The following ERBIN variants were observed in gnomAD, a reference collection of about 807,000 sequenced individuals.
The protein encoded by ERBIN is densin-180-like protein.
In ERBIN, 60 loss-of-function variants were observed where a neutral mutation model predicts 158.4. The ratio of observed to expected loss-of-function variants is 0.38; its 90% CI spans 0.31 to 0.47. The LOEUF (loss-of-function observed/expected upper bound fraction) is 0.47, where lower values mean the gene tolerates loss of function less well. Ranked by LOEUF, ERBIN falls within the 20% of genes least tolerant of loss-of-function variation. ERBIN has a pLI of 0.99. For synonymous variants in ERBIN, 594 were observed against 557.2 expected (o/e 1.07, Z -0.93); for missense variants, 1,610 against 1,648.0 (o/e 0.98, Z 0.40).
At chr5:66,077,428 A>G (rs954657420) in intron 25 of ERBIN, among the ~76,000 whole-genome samples, 6 of 151,960 alleles carry the variant, frequency 3.9e-5, no homozygotes, top group African/African-American at 1.5e-4. Flanking sequence ...TTCTACCCCT[A>G]CTGTCACCGT....
At chr5:65,936,892 C>G (rs1265365204) in intron 1 of ERBIN, among the ~76,000 whole-genome samples, 1 of 152,118 alleles carries the variant, frequency 6.6e-6, no homozygotes, top group African/African-American at 2.4e-5. Context: ...GAGTGTGTAT[C>G]AATTTGTACT....
intron 1 of ERBIN, 94 bp downstream of exon 1, chr5:65,926,900 C>T (rs868180539): frequency 6.6e-6 from 1 of 152,038 alleles, no homozygotes; most frequent in Non-Finnish European, 1.5e-5. Context: ...CACTCTTCTC[C>T]AAGTTGCCCT....
intron 1 of ERBIN, among the ~76,000 whole-genome samples, chr5:65,967,949 T>C (rs1232660128): frequency 6.6e-6 from 1 of 152,206 alleles, no homozygotes; most frequent in Non-Finnish European, 1.5e-5. Flanking sequence ...AAGTGGCTGG[T>C]TTCAGAGGGC....
intron 5 of ERBIN, among the ~76,000 whole-genome samples, chr5:66,013,169 C>G (rs375067247): frequency 2.5e-4 from 38 of 152,236 alleles, no homozygotes; most frequent in African/African-American, 8.9e-4. Flanking sequence ...ATTTCTCTGC[C>G]AAGGTTTAGA....
intron 1 of ERBIN, among the ~76,000 whole-genome samples, chr5:65,938,239 TAAAG>T (rs1744331712): frequency 6.6e-6 from 1 of 152,212 alleles, no homozygotes; most frequent in East Asian, 1.9e-4. Flanking sequence ...GCTATTTAAA[TAAAG>T]GAAGCAATTG....
intron 1 of ERBIN, among the ~76,000 whole-genome samples, chr5:65,949,476 C>T (rs886621119): frequency 6.6e-6 from 1 of 152,210 alleles, no homozygotes; most frequent in African/African-American, 2.4e-5. Flanking sequence ...AGTGTTAACA[C>T]TAAATGGTTG....
Position 66,078,504 on chromosome 5 carries a change from A to G in ERBIN, c.4213A>G (p.Ile1405Val). 1 of 1,606,882 alleles carries G rather than the reference A, an allele frequency of 6.2e-7. No homozygotes were observed. Among genetic ancestry groups the G allele is most frequent in the Non-Finnish European group, 8.5e-7 (1 of 1,177,402 alleles). The change falls in exon 26 of 26, where the codon ATC becomes GTC. Residue 1405 changes from isoleucine to valine, a missense_variant. Around this residue, in one of 2 missense-constraint regions of ERBIN, gnomAD observed 1,014 missense variants for 936.1 expected, o/e 1.08. Coordinates refer to ENST00000284037, the MANE Select transcript of ERBIN (RefSeq NM_001253697.2). The stretch of plus-strand genomic sequence containing the variant: ...AACTTTCCAGAATACAGTTGAACTC[A>G]TCATTGTACGAGAAGTTTCCTCATA... ...LKTFQNTVEL[I>V]IVREVSS
intron 1 of ERBIN, among the ~76,000 whole-genome samples, chr5:65,971,136 C>T (rs1314339225): frequency 2.0e-5 from 3 of 151,938 alleles, no homozygotes; most frequent in Non-Finnish European, 4.4e-5. Flanking sequence ...CCCAGGAAGT[C>T]TAGTCGTTTT....
intron 1 of ERBIN, among the ~76,000 whole-genome samples, chr5:65,984,052 C>G (rs1048875274): frequency 1.3e-5 from 2 of 151,248 alleles, no homozygotes; most frequent in African/African-American, 4.9e-5. Context: ...GAGGAGGTAT[C>G]AAGCAGCAAA....
rs1762397707 is a variant in ERBIN, at chr5:66,081,797, T to G, written c.*3267T>G. On this transcript the variant is annotated 3_prime_UTR_variant, in exon 26 of 26. Transcript: ENST00000284037. ...AGTCTGTTGCATTCTTACAGCCTTC[T>G]GTTTTAATGTTCAGTGAATAGGTTT... The G allele has an allele frequency of 6.6e-6, 1 of 152,102 alleles. No homozygotes were observed. Among genetic ancestry groups the G allele is most frequent in the Admixed American group, 6.5e-5 (1 of 15,278 alleles). The allele number at this position is 152,102 out of a possible 1,614,324, so 9.4% of individuals were successfully genotyped here. A position where few individuals can be genotyped will look rare whatever the true frequency, so the allele number is the denominator to read the frequency against.
At position 66,053,471 on chromosome 5, in the gene ERBIN, A is replaced by G. The variant is rs1759253255; in HGVS notation, c.2153A>G (p.Glu718Gly). Residue 718 changes from glutamate (E) to glycine (G), a missense_variant, in exon 21 of 26, where the codon GAA becomes GGA. By Grantham distance (98) the Glu-to-Gly change is moderately conservative. Coordinates refer to ENST00000284037, the MANE Select transcript of ERBIN (RefSeq NM_001253697.2). The part of the protein sequence containing the change: ...NGDILNSSTE[E>G]KFKAHDKKDF... ...GATATTTTAAACAGTTCAACAGAGG[A>G]AAAGTTCAAAGCTCATGATAAAAAA... The G allele has an allele frequency of 1.3e-6, 2 of 1,597,438 alleles. No individual in the cohort carries two copies. Among genetic ancestry groups the G allele is most frequent in the East Asian group, 4.5e-5 (2 of 44,746 alleles).
In ERBIN at chr5:66,079,473, C is replaced by T. The variant is rs1762281077; in HGVS notation, c.*943C>T. On this transcript the variant is annotated 3_prime_UTR_variant, in exon 26 of 26. Transcript: ENST00000284037. ...TTTTTATTTTAAGCAGCAAATGAAA[C>T]AAAAATGGCCAGTTTTAAGATTGTG... The T allele has an allele frequency of 6.6e-6, 1 of 151,038 alleles. No individual in the cohort carries two copies. Among genetic ancestry groups the T allele is most frequent in the Non-Finnish European group, 1.5e-5 (1 of 67,724 alleles). The allele number at this position is 151,038 out of a possible 1,614,324, so 9.4% of individuals were successfully genotyped here.
chr5:66,049,188 C>T (rs577724651), intron 19 of ERBIN, among the ~76,000 whole-genome samples: 4 of 152,084 alleles, frequency 2.6e-5, no homozygotes, highest in South Asian at 4.1e-4. Context: ...AGTAGGTGCT[C>T]GTTATTTTAT....
At chr5:65,987,559 C>T (rs944693909) in intron 1 of ERBIN, among the ~76,000 whole-genome samples, 5 of 151,740 alleles carry the variant, frequency 3.3e-5, no homozygotes, top group South Asian at 2.1e-4. Flanking sequence ...AAGACCCTGT[C>T]TCAAAAAAAA....
chr5:65,970,819 T>C (rs1464800920), intron 1 of ERBIN, among the ~76,000 whole-genome samples: 1 of 152,100 alleles, frequency 6.6e-6, no homozygotes, highest in East Asian at 1.9e-4. Flanking sequence ...GGTCTTAAAC[T>C]CCTGGCCTCA....
chr5:65,940,751 GC>G (rs1396080292), intron 1 of ERBIN, among the ~76,000 whole-genome samples: 1 of 149,736 alleles, frequency 6.7e-6, no homozygotes, highest in African/African-American at 2.5e-5. Flanking sequence ...GGGCGCCTCT[GC>G]CCGGCCGCCC....
chr5:66,019,599 TTAAC>T (rs1340370310), intron 7 of ERBIN, among the ~76,000 whole-genome samples: 1 of 152,198 alleles, frequency 6.6e-6, no homozygotes, highest in Non-Finnish European at 1.5e-5. Flanking sequence ...GTTGTCAGTA[TTAAC>T]TATAGAGAGT....
At chr5:66,028,588 G>A (rs1399962438) in intron 14 of ERBIN, among the ~76,000 whole-genome samples, 2 of 152,188 alleles carry the variant, frequency 1.3e-5, no homozygotes, top group East Asian at 3.9e-4. Flanking sequence ...AATATTGAGC[G>A]ATTAGGAAAT....
chr5:66,027,213 A>G (rs867481374), intron 13 of ERBIN, among the ~76,000 whole-genome samples: 2 of 152,024 alleles, frequency 1.3e-5, no homozygotes, highest in African/African-American at 4.8e-5. Context: ...TGACTCACGT[A>G]GCTTGTAAGG....
Sources: gnomAD v4.1 joint callset for allele counts (sites outside exome capture counted in the v4.1 genomes callset) on GRCh38, gnomAD v4.1.1 for gene constraint, gnomAD v4.1.1 regional missense constraint, MANE v1.5 for transcripts, NCBI Gene and HGNC (gene_info 2026-07-23, HGNC 2026-07-21) for gene names.